The following THOC7 variants were observed in gnomAD, a reference collection of about 807,000 sequenced individuals.
THOC7 encodes NIF3L1-binding protein 1.
Under a neutral mutation model 33.1 loss-of-function variants are expected in THOC7, and 22 were observed. That is an observed-to-expected ratio of 0.66 (90% confidence interval 0.47 to 0.95). THOC7 has a LOEUF of 0.95. Ranked by LOEUF, THOC7 falls within the 40% of genes least tolerant of loss-of-function variation. THOC7 has a pLI of 0.00. For missense variants in THOC7, 184 were observed against 245.3 expected, an observed-to-expected ratio of 0.75 and a Z score of 1.67; for synonymous variants, 77 against 76.8, an observed-to-expected ratio of 1.00 and a Z score of -0.01.
chr3:63,837,169 T>G (rs1423222947), intron 4 of THOC7, among the ~76,000 whole-genome samples: 1 of 151,964 alleles, frequency 6.6e-6, no homozygotes, highest in Non-Finnish European at 1.5e-5. Context: ...TGGATACAAA[T>G]TTTTTGAATT....
intron 1 of THOC7, among the ~76,000 whole-genome samples, chr3:63,856,849 C>G (rs1310180447): frequency 6.6e-6 from 1 of 152,102 alleles, no homozygotes; most frequent in African/African-American, 2.4e-5. Flanking sequence ...TCCCAAGTAG[C>G]TGGGACTACA....
intron 1 of THOC7, among the ~76,000 whole-genome samples, chr3:63,858,956 C>A (rs1702159995): frequency 6.6e-6 from 1 of 152,222 alleles, no homozygotes. Flanking sequence ...CCCAGTCCAA[C>A]TGGATACGCA....
intron 1 of THOC7, among the ~76,000 whole-genome samples, chr3:63,853,109 C>T (rs1007053823): frequency 2.0e-5 from 3 of 150,980 alleles, no homozygotes; most frequent in African/African-American, 7.3e-5. Flanking sequence ...CTAGATCTCG[C>T]CACTGCACTC....
intron 4 of THOC7, among the ~76,000 whole-genome samples, chr3:63,836,825 A>G (rs1226914238): frequency 1.3e-5 from 2 of 152,142 alleles, no homozygotes; most frequent in Admixed American, 1.3e-4. Context: ...CAAATAACTT[A>G]AAATTCAGGT....
intron 1 of THOC7, among the ~76,000 whole-genome samples, chr3:63,859,257 T>C (rs934659555): frequency 2.0e-5 from 3 of 152,248 alleles, no homozygotes; most frequent in Non-Finnish European, 2.9e-5. Context: ...AAAAGATGAA[T>C]TGGATCACTA....
intron 1 of THOC7, among the ~76,000 whole-genome samples, chr3:63,862,866 CAA>C (rs1334508108): frequency 2.6e-5 from 4 of 152,258 alleles, no homozygotes; most frequent in East Asian, 3.9e-4. Context: ...CCCCTTCCCC[CAA>C]AGTGTCACCT....
upstream of THOC7, chr3:63,863,951 G>GCGCCGCGC (rs1702317562): frequency 7.4e-5 from 6 of 81,062 alleles, no homozygotes; most frequent in African/African-American, 2.3e-4. Flanking sequence ...GCGCCGCGCC[G>GCGCCGCGC]CGCCGCCGCC....
At chr3:63,838,299 A>C in intron 3 of THOC7, 73 bp downstream of exon 3, 1 of 1,115,584 alleles carries the variant, frequency 9.0e-7, no homozygotes, top group Non-Finnish European at 1.3e-6. Flanking sequence ...CACCAAAGAA[A>C]ATTGTTAGCA....
At chr3:63,863,573 T>G (rs961740803) in intron 1 of THOC7, 199 bp downstream of exon 1, 26 of 1,196,834 alleles carry the variant, frequency 2.2e-5, no homozygotes, top group Non-Finnish European at 2.5e-5. Flanking sequence ...GCGCTCGGGC[T>G]CTGGCGAGAG....
At chr3:63,864,370 A>T (rs1702336757), upstream of THOC7, 1 of 151,894 alleles carries the variant, frequency 6.6e-6, no homozygotes, top group South Asian at 2.1e-4. Flanking sequence ...AGGCGGGACT[A>T]GGGGTACCGA....
At chr3:63,835,050 A>G (rs1701600998) in intron 7 of THOC7, 104 bp downstream of exon 7, 2 of 1,125,298 alleles carry the variant, frequency 1.8e-6, no homozygotes, top group South Asian at 1.5e-5. Flanking sequence ...CTGTTCAGAA[A>G]TTGAAGGTAT....
At chr3:63,845,707 C>A (rs145973952) in intron 1 of THOC7, among the ~76,000 whole-genome samples, 1 of 152,062 alleles carries the variant, frequency 6.6e-6, no homozygotes, top group Admixed American at 6.5e-5. Context: ...TTGGTCAAGG[C>A]GATCTCAAAG....
At chr3:63,846,136 CCT>C (rs369898101) in intron 1 of THOC7, 480 of 408,802 alleles carry the variant, frequency 1.2e-3, no homozygotes, top group East Asian at 1.6e-3. Flanking sequence ...ACTCCTACTG[CCT>C]CTCTCTCTCT....
intron 1 of THOC7, among the ~76,000 whole-genome samples, chr3:63,859,070 C>A (rs1303781658): frequency 6.6e-6 from 1 of 152,208 alleles, no homozygotes; most frequent in South Asian, 2.1e-4. Context: ...ACTGGTACTC[C>A]TCCAAGAGCT....
chr3:63,835,994 CTG>C (rs1248124542), intron 5 of THOC7, among the ~76,000 whole-genome samples: 1 of 151,814 alleles, frequency 6.6e-6, no homozygotes, highest in Non-Finnish European at 1.5e-5. Flanking sequence ...GTTTTGAGAG[CTG>C]TGTTTTAAAA....
chr3:63,834,092 C>G lies in THOC7; in HGVS notation c.*40G>C, dbSNP rs780541725. The G allele has an allele frequency of 1.3e-5, 21 of 1,600,110 alleles. 1 individual carries two copies. In the South Asian group the frequency reaches 2.2e-4, roughly 17 times the overall value. ...TTTTAAACACATTATGGTCATGTAG[C>G]TATTTCAATATTCCTGGGAGTGGTG... On this transcript the variant is annotated 3_prime_UTR_variant, in exon 8 of 8. Transcript: ENST00000295899.
At chr3:63,835,792 C>T (rs1422332080) in intron 5 of THOC7, among the ~76,000 whole-genome samples, 1 of 152,042 alleles carries the variant, frequency 6.6e-6, no homozygotes, top group Non-Finnish European at 1.5e-5. Flanking sequence ...ATCTCCTCTA[C>T]CTCCCACTCA....
rs1250548936 is a variant in THOC7 at position 63,838,381 on chromosome 3, T to G, written c.256A>C (p.Lys86Gln). ...REMENYEKIY[K>Q]EIECSIAGAH... The stretch of plus-strand genomic sequence containing the variant: ...CATTAAGATTCTTTACCTATTTCCT[T>G]GTAAATTTTTTCATAATTTTCCATT... Residue 86 changes from lysine to glutamine, a missense_variant, in exon 3 of 8, where the codon AAG (lysine) becomes CAG (glutamine). Lys to Gln is a moderately conservative substitution (Grantham distance 53, BLOSUM62 1). This residue lies in a region of THOC7 where 157 missense variants were observed against 201.3 expected (regional missense o/e 0.78). Coordinates refer to ENST00000295899, the MANE Select transcript of THOC7 (RefSeq NM_025075.4). 1.3e-6 allele frequency: 2 copies of G among 1,520,242 alleles called. No homozygotes were observed. The highest frequency in any genetic ancestry group is 1.8e-6 in the Non-Finnish European group (2 of 1,104,744). The allele number at this position is 1,520,242 out of a possible 1,614,324, so 94.2% of individuals were successfully genotyped here.
At chr3:63,844,698 C>T (rs1211147701) in intron 1 of THOC7, among the ~76,000 whole-genome samples, 1 of 152,156 alleles carries the variant, frequency 6.6e-6, no homozygotes, top group Non-Finnish European at 1.5e-5. Context: ...TTTCTTTTCT[C>T]CATCTCACAC....
Sources: gnomAD v4.1 joint callset for allele counts (sites outside exome capture counted in the v4.1 genomes callset) on GRCh38, gnomAD v4.1.1 for gene constraint, gnomAD v4.1.1 regional missense constraint, MANE v1.5 for transcripts, NCBI Gene and HGNC (gene_info 2026-07-23, HGNC 2026-07-21) for gene names.